The following PRKACB variants were observed in gnomAD, a reference collection of about 807,000 sequenced individuals.
PRKACB encodes the protein protein kinase cAMP-activated catalytic subunit beta.
A neutral mutation model predicts 51.4 loss-of-function variants in PRKACB; 16 were observed. The ratio of observed to expected loss-of-function variants is 0.31; its 90% CI spans 0.21 to 0.47. The LOEUF (loss-of-function observed/expected upper bound fraction) is 0.47, where lower values mean the gene tolerates loss of function less well. PRKACB is among the 20% of genes least tolerant of loss of function. The probability of loss-of-function intolerance (pLI) is 1.00; values close to 1 mark genes in which losing one functional copy is unlikely to be tolerated. For missense variants in PRKACB, 309 were observed against 464.5 expected (o/e 0.67, Z 3.08); for synonymous variants, 147 against 154.4 (o/e 0.95, Z 0.35).
chr1:84,215,154 G>A (rs1049097683), intron 9 of PRKACB, among the ~76,000 whole-genome samples: 1 of 152,116 alleles, frequency 6.6e-6, no homozygotes, highest in Admixed American at 6.5e-5. Context: ...ACAAATTAGG[G>A]GTTTTAATTC....
At chr1:84,187,036 G>C (rs375853712) in intron 5 of PRKACB, among the ~76,000 whole-genome samples, 1 of 152,152 alleles carries the variant, frequency 6.6e-6, no homozygotes, top group Admixed American at 6.5e-5. Context: ...TATTTGTGCA[G>C]TGCTTTTGAA....
chr1:84,198,965 A>G (rs544300264), intron 7 of PRKACB, among the ~76,000 whole-genome samples: 6 of 147,102 alleles, frequency 4.1e-5, no homozygotes, highest in Admixed American at 1.4e-4. Flanking sequence ...ATTCATATAT[A>G]TGTGTATACG....
chr1:84,195,799 G>T (rs1668068052), intron 5 of PRKACB, among the ~76,000 whole-genome samples: 1 of 151,852 alleles, frequency 6.6e-6, no homozygotes, highest in African/African-American at 2.4e-5. Context: ...TGTAATCCCA[G>T]CTACTCAGGA....
intron 1 of PRKACB, among the ~76,000 whole-genome samples, chr1:84,115,387 T>A (rs1055738917): frequency 2.6e-5 from 4 of 152,148 alleles, no homozygotes; most frequent in Non-Finnish European, 5.9e-5. Flanking sequence ...TTTTTCCTAT[T>A]AAGTTTTTTG....
chr1:84,196,515 C>T, intron 5 of PRKACB, 101 bp from the exon 6 acceptor site: 2 of 1,181,472 alleles, frequency 1.7e-6, no homozygotes, highest in Non-Finnish European at 2.3e-6. Context: ...ACTTTTTGTT[C>T]CCAAAGTACC....
intron 1 of PRKACB, among the ~76,000 whole-genome samples, chr1:84,082,758 T>C (rs1647650761): frequency 6.6e-6 from 1 of 152,180 alleles, no homozygotes; most frequent in Non-Finnish European, 1.5e-5. Flanking sequence ...AGAAACTGAA[T>C]CTTTAACTTA....
intron 1 of PRKACB, 179 bp from the exon 2 acceptor site, chr1:84,178,998 G>T: frequency 1.7e-6 from 1 of 587,820 alleles, no homozygotes; most frequent in Non-Finnish European, 2.6e-6. Flanking sequence ...TTAGAGATTT[G>T]AGAAGGTTCT....
At chr1:84,205,127 C>A in intron 8 of PRKACB, 1 of 981,418 alleles carries the variant, frequency 1.0e-6, no homozygotes, top group South Asian at 4.7e-5. Flanking sequence ...CTAAAAGTAC[C>A]AGATTATCTC....
intron 1 of PRKACB, chr1:84,175,091 CT>C: frequency 1.4e-6 from 2 of 1,393,228 alleles, no homozygotes; most frequent in Non-Finnish European, 1.9e-6. Flanking sequence ...CAAATATTAC[CT>C]TTAAAATTTT....
chr1:84,189,899 A>G (rs1300062593), intron 5 of PRKACB, among the ~76,000 whole-genome samples: 1 of 151,996 alleles, frequency 6.6e-6, no homozygotes, highest in Non-Finnish European at 1.5e-5. Flanking sequence ...CTTGACACCA[A>G]TCATTAATTT....
intron 1 of PRKACB, among the ~76,000 whole-genome samples, chr1:84,115,127 G>A (rs1277097634): frequency 4.6e-5 from 7 of 151,436 alleles, no homozygotes; most frequent in Non-Finnish European, 7.4e-5. Flanking sequence ...TTTCCATAGT[G>A]GCAGTACTAA....
At chr1:84,224,794 G>A (rs929710435) in intron 9 of PRKACB, among the ~76,000 whole-genome samples, 1 of 152,202 alleles carries the variant, frequency 6.6e-6, no homozygotes, top group Non-Finnish European at 1.5e-5. Flanking sequence ...GCCAGAAGCA[G>A]CAAGCAGGGT....
intron 1 of PRKACB, among the ~76,000 whole-genome samples, chr1:84,113,097 A>G (rs1650364785): frequency 6.6e-6 from 1 of 152,208 alleles, no homozygotes; most frequent in Non-Finnish European, 1.5e-5. Flanking sequence ...CAATTAACAT[A>G]TGAAAATATT....
chr1:84,115,885 T>TAA, intron 1 of PRKACB, among the ~76,000 whole-genome samples: 1 of 13,282 alleles, frequency 7.5e-5, no homozygotes, highest in South Asian at 4.4e-3. Context: ...AACTCTTGTC[T>TAA]CAAAAAAAAA....
chr1:84,225,288 G>A (rs1674400217), intron 9 of PRKACB, among the ~76,000 whole-genome samples: 1 of 152,208 alleles, frequency 6.6e-6, no homozygotes, highest in Non-Finnish European at 1.5e-5. Context: ...GTACCTGGCA[G>A]TCCTGTTGTG....
chr1:84,113,288 T>G lies in PRKACB; in HGVS notation c.46+34917T>G, dbSNP rs76658798. Among the ~76,000 whole-genome samples the G allele has an allele frequency of 5.0e-4, 76 of 152,250 alleles. No individual in the cohort carries two copies. The East Asian group carries it at 5.6e-3, about 11-fold the overall frequency. On this transcript the variant is annotated intron_variant, in intron 1 of 8. Coordinates refer to the PRKACB transcript ENST00000370688. ...AGTTAAAATGAAAATGGGCATAAAC[T>G]GTGACCCAGGAATTCCACTGTTAAG...
At position 84,130,189 on chromosome 1, in the gene PRKACB, CAAAAAAAAAAAAA is replaced by C. The variant is rs71097833; in HGVS notation, c.47-48975_47-48963del. The stretch of plus-strand genomic sequence containing the variant: ...TAGGCAACAGAGCGAGACTCCGTCT[CAAAAAAAAAAAAA>C]AAAAAAAAAAAAGAGAAACTCTCTT... On this transcript the variant is annotated intron_variant, in intron 1 of 8. Coordinates refer to the PRKACB transcript ENST00000370688. Among the ~76,000 whole-genome samples the C allele has an allele frequency of 5.7e-4, 32 of 56,186 alleles. No homozygotes were observed. The Admixed American group carries it at 6.5e-3, about 11-fold the overall frequency. The allele number at this position is 56,186 out of a possible 152,430, so 36.9% of individuals were successfully genotyped here.
intron 1 of PRKACB, among the ~76,000 whole-genome samples, chr1:84,094,954 C>T (rs553543542): frequency 5.2e-4 from 79 of 151,976 alleles, no homozygotes; most frequent in Middle Eastern, 6.8e-3. Context: ...TGTTTAGATA[C>T]ACAAATACCA....
At chr1:84,138,219 C>T (rs1413025757) in intron 1 of PRKACB, among the ~76,000 whole-genome samples, 1 of 152,096 alleles carries the variant, frequency 6.6e-6, no homozygotes, top group East Asian at 1.9e-4. Flanking sequence ...AACACATACA[C>T]AGGTGTACAC....
Sources: gnomAD v4.1 joint callset for allele counts (sites outside exome capture counted in the v4.1 genomes callset) on GRCh38, gnomAD v4.1.1 for gene constraint, MANE v1.5 for transcripts, NCBI Gene and HGNC (gene_info 2026-07-23, HGNC 2026-07-21) for gene names.